SLC25A11: variants seen among roughly 807,000 people sequenced by gnomAD.
SLC25A11 encodes the protein mitochondrial 2-oxoglutarate/malate carrier protein.
A neutral mutation model predicts 32.7 loss-of-function variants in SLC25A11; 11 were observed. The observed-to-expected ratio is 0.34, with a 90% confidence interval of 0.21 to 0.56. The LOEUF is 0.56. Ranked by LOEUF, SLC25A11 falls within the 20% of genes least tolerant of loss-of-function variation. The probability of loss-of-function intolerance (pLI) is 0.90; values close to 1 mark genes in which losing one functional copy is unlikely to be tolerated. For missense variants in SLC25A11, 295 were observed against 426.3 expected, an observed-to-expected ratio of 0.69 and a Z score of 2.71; for synonymous variants, 163 against 168.3, an observed-to-expected ratio of 0.97 and a Z score of 0.24.
In SLC25A11 at chr17:4,938,392, T is replaced by A; in HGVS notation, c.584A>T (p.Asn195Ile). Residue 195 changes from asparagine to isoleucine, a missense_variant, in exon 5 of 8, where the codon AAT (asparagine) becomes ATT (isoleucine). Transcript: ENST00000225665. This position sits in a 1 kb window ranked among gnomAD's most constrained non-coding sequence, Gnocchi z 7.6. ...IPTMARAVVV[N>I]AAQLASYSQS... is the part of the protein sequence containing the mutation. Reference sequence around the variant, plus strand: ...GGAGTAGGAGGCGAGCTGGGCAGCATTGACGACGACGGCCCGAGCCATGGT... The same window carrying A: ...GGAGTAGGAGGCGAGCTGGGCAGCAATGACGACGACGGCCCGAGCCATGGT... 1 of 1,614,008 alleles carries A rather than the reference T, an allele frequency of 6.2e-7. No individual in the cohort carries two copies. The highest frequency in any genetic ancestry group is 8.5e-7 in the Non-Finnish European group (1 of 1,180,000).
intron 7 of SLC25A11, 34 bp from the exon 8 acceptor site, chr17:4,937,930 A>C: frequency 1.2e-6 from 2 of 1,611,864 alleles, no homozygotes; most frequent in Non-Finnish European, 8.5e-7. Context: ...TGGGGCTAGG[A>C]CTCTAGGTCC....
At position 4,938,693 on chromosome 17, in the gene SLC25A11, C is replaced by T; in HGVS notation, c.455+76G>A. 3.2e-6 allele frequency: 5 copies of T among 1,586,510 alleles called. No homozygotes were observed. The highest frequency in any genetic ancestry group is 3.4e-5 in the Admixed American group (2 of 59,370). ...AACAGGTAAACACTCTGCTCCAGAT[C>T]CGGGATAAAAAACTGGTCCTTTCAT... On this transcript the variant is annotated intron_variant, in intron 3 of 7. Coordinates refer to ENST00000225665, the MANE Select transcript of SLC25A11 (RefSeq NM_003562.5). This position sits in a 1 kb window ranked among gnomAD's most constrained non-coding sequence, Gnocchi z 7.6.
chr17:4,939,666 A>G lies in SLC25A11; in HGVS notation c.95+150T>C. ...CATAAGGGTCCTGCAATGGGGCCCT[A>G]GCAGCCCATCGGGGAACTCGCAATA... is the stretch of plus-strand genomic sequence containing the variant. On this transcript the variant is annotated intron_variant, in intron 1 of 7. Transcript: ENST00000225665. The surrounding 1 kb of genome is among the most constrained non-coding windows in gnomAD (Gnocchi z 4.1). 3 of 714,206 alleles carry G rather than the reference A, an allele frequency of 4.2e-6. No homozygotes were observed. Among genetic ancestry groups the G allele is most frequent in the East Asian group, 2.8e-5 (1 of 35,904 alleles). The allele number at this position is 714,206 out of a possible 1,614,324, so 44.2% of individuals were successfully genotyped here.
chr17:4,938,505 C>T lies in SLC25A11; in HGVS notation c.546+7G>A. The T allele has an allele frequency of 6.2e-7, 1 of 1,613,866 alleles. No homozygotes were observed. Among genetic ancestry groups the T allele is most frequent in the Non-Finnish European group, 8.5e-7 (1 of 1,179,792 alleles). On this transcript the variant is annotated splice_region_variant and intron_variant, in intron 4 of 7. Coordinates refer to ENST00000225665, the MANE Select transcript of SLC25A11 (RefSeq NM_003562.5). The surrounding 1 kb of genome is among the most constrained non-coding windows in gnomAD (Gnocchi z 7.6). ...ACAGCCCCCAAGTCTCCAGCCCCTC[C>T]ACTCACCCGCCACAGTGTGAGGACA...
intron 7 of SLC25A11, 41 bp from the exon 8 acceptor site, chr17:4,937,937 G>A (rs371163759): frequency 1.4e-5 from 22 of 1,612,748 alleles, no homozygotes; most frequent in Non-Finnish European, 1.9e-5. Flanking sequence ...AGGACTCTAG[G>A]TCCCCATCCC....
chr17:4,938,664 C>CT lies in SLC25A11; in HGVS notation c.456-63_456-62insA. The stretch of plus-strand genomic sequence containing the variant: ...GCCCACAGGTGCAAAGAAAGGAAGG[C>CT]CAGAACAGGTAAACACTCTGCTCCA... On this transcript the variant is annotated intron_variant, in intron 3 of 7. Coordinates refer to ENST00000225665, the MANE Select transcript of SLC25A11 (RefSeq NM_003562.5). The surrounding 1 kb of genome is among the most constrained non-coding windows in gnomAD (Gnocchi z 7.6). The CT allele has an allele frequency of 1.9e-6, 3 of 1,590,846 alleles. No individual in the cohort carries two copies. The highest frequency in any genetic ancestry group is 2.6e-6 in the Non-Finnish European group (3 of 1,159,414).
Position 4,939,716 on chromosome 17 carries a change from G to T in SLC25A11, c.95+100C>A. On this transcript the variant is annotated intron_variant, in intron 1 of 7. Transcript: ENST00000225665. The surrounding 1 kb of genome is among the most constrained non-coding windows in gnomAD (Gnocchi z 4.1). ...ACGCTGGAGATCGCGCTGACCCCGT[G>T]CCGGCACAGTTCACTGCAACAGACC... 2.1e-6 allele frequency: 2 copies of T among 941,554 alleles called. No homozygotes were observed. The highest frequency in any genetic ancestry group is 1.7e-6 in the Non-Finnish European group (1 of 600,110). 58.3% of individuals were successfully genotyped at this position (941,554 alleles called of 1,614,324 possible). A position where few individuals can be genotyped will look rare whatever the true frequency, so the allele number is the denominator to read the frequency against.
At position 4,938,969 on chromosome 17, in the gene SLC25A11, C is replaced by T. The variant is rs774151635; in HGVS notation, c.255G>A (p.Ser85=). 5.0e-6 allele frequency: 8 copies of T among 1,614,016 alleles called. No individual in the cohort carries two copies. Among genetic ancestry groups the T allele is most frequent in the Admixed American group, 1.7e-5 (1 of 59,992 alleles). Reference sequence around the variant, plus strand: ...AGGTGGCCTGACGCAGCAGGCCAGCCGACAGCCTGAGGAGCAGAGGGGTCA... The same window carrying T: ...AGGTGGCCTGACGCAGCAGGCCAGCTGACAGCCTGAGGAGCAGAGGGGTCA... ...EGLRGIYTGL[S]AGLLRQATYT... is the part of the protein sequence containing the mutation. The change falls in exon 3 of 8, where the codon TCG becomes TCA. Residue 85 remains serine (S), a synonymous_variant. Coordinates refer to ENST00000225665, the MANE Select transcript of SLC25A11 (RefSeq NM_003562.5). This position sits in a 1 kb window ranked among gnomAD's most constrained non-coding sequence, Gnocchi z 7.6.
In SLC25A11 at chr17:4,939,862, G is replaced by T; in HGVS notation, c.49C>A (p.Arg17Ser). 1 of 1,612,450 alleles carries T rather than the reference G, an allele frequency of 6.2e-7. No homozygotes were observed. The highest frequency in any genetic ancestry group is 8.5e-7 in the Non-Finnish European group (1 of 1,179,686). Residue 17 changes from arginine (R) to serine (S), a missense_variant, in exon 1 of 8, where the codon CGT (arginine) becomes AGT (serine). By Grantham distance (110) the Arg-to-Ser change is moderately radical (BLOSUM62 -1). Transcript: ENST00000225665. The surrounding 1 kb of genome is among the most constrained non-coding windows in gnomAD (Gnocchi z 4.1). ...AACTTGACGGACTTAGGGGAGGTAC[G>T]GGGCTTCCCGTCTATCCCGCCGGCC... ...AGAGGIDGKP[R>S]TSPKSVKFLF...
rs1970617390 is a variant in SLC25A11, at chr17:4,940,000, C to T, written c.-90G>A. On this transcript the variant is annotated 5_prime_UTR_variant, in exon 1 of 8. Coordinates refer to ENST00000225665, the MANE Select transcript of SLC25A11 (RefSeq NM_003562.5). The surrounding 1 kb of genome is among the most constrained non-coding windows in gnomAD (Gnocchi z 4.1). ...CACCGCGCGCGCAACAGAGCGAGGG[C>T]GCGCGCACGCCCCTCCAGCTCTCAG... 2 of 859,866 alleles carry T rather than the reference C, an allele frequency of 2.3e-6. No individual in the cohort carries two copies. Among genetic ancestry groups the T allele is most frequent in the Non-Finnish European group, 3.3e-6 (2 of 597,116 alleles). 53.3% of individuals were successfully genotyped at this position (859,866 alleles called of 1,614,324 possible). A position where few individuals can be genotyped will look rare whatever the true frequency, so the allele number is the denominator to read the frequency against.
At position 4,938,042 on chromosome 17, in the gene SLC25A11, G is replaced by T. The variant is rs140736160; in HGVS notation, c.770C>A (p.Pro257Gln). The part of the protein sequence containing the change: ...IQNMRMIDGK[P>Q]EYKNGLDVLF... The stretch of plus-strand genomic sequence containing the variant: ...CCTCACCAGCCCGTTCTTGTATTCC[G>T]GCTTCCCATCAATCATCCGCATGTT... The change falls in exon 7 of 8, where the codon CCG becomes CAG. Residue 257 changes from proline to glutamine, a missense_variant. This residue lies in a region of SLC25A11 where 142 missense variants were observed against 197.8 expected (regional missense o/e 0.72). Coordinates refer to ENST00000225665, the MANE Select transcript of SLC25A11 (RefSeq NM_003562.5). The surrounding 1 kb of genome is among the most constrained non-coding windows in gnomAD (Gnocchi z 7.6). 1.2e-6 allele frequency: 2 copies of T among 1,613,998 alleles called. No homozygotes were observed. Among genetic ancestry groups the T allele is most frequent in the African/African-American group, 2.7e-5 (2 of 74,908 alleles).
chr17:4,937,807 G>C lies in SLC25A11; in HGVS notation c.879C>G (p.Thr293=). Residue 293 remains threonine, a synonymous_variant, in exon 8 of 8, where the codon ACC becomes ACG. Transcript: ENST00000225665. ...GCTCCAAGAAGATGAAGGTGAGGAC[G>C]GTGTGGGGGCCCAGGCGGGCATAGT... ...TPYYARLGPH[T]VLTFIFLEQM... 6.2e-7 allele frequency: 1 copy of C among 1,614,194 alleles called. No individual in the cohort carries two copies. Among genetic ancestry groups the C allele is most frequent in the Non-Finnish European group, 8.5e-7 (1 of 1,180,026 alleles).
rs1970498390 is a variant in SLC25A11 at position 4,938,548 on chromosome 17, T to C, written c.510A>G (p.Arg170=). ...TGAGGACACCCTCTTCCCGGGTGAT[T>C]CGAATCAGGGCGTTAAACACATTTT... The part of the protein sequence containing the change: ...GYKNVFNALI[R]ITREEGVLTL... Residue 170 remains arginine (R), a synonymous_variant, in exon 4 of 8, where the codon CGA becomes CGG. Coordinates refer to ENST00000225665, the MANE Select transcript of SLC25A11 (RefSeq NM_003562.5). This position sits in a 1 kb window ranked among gnomAD's most constrained non-coding sequence, Gnocchi z 7.6. 1 of 1,613,924 alleles carries C rather than the reference T, an allele frequency of 6.2e-7. No individual in the cohort carries two copies. Among genetic ancestry groups the C allele is most frequent in the Non-Finnish European group, 8.5e-7 (1 of 1,179,972 alleles).
At position 4,937,829 on chromosome 17, in the gene SLC25A11, T is replaced by C. The variant is rs765623878; in HGVS notation, c.857A>G (p.Tyr286Cys). ...FSLWKGFTPYYARLGPHTVLT... is the reference protein window; with the variant it reads ...FSLWKGFTPYCARLGPHTVLT... ...GACGGTGTGGGGGCCCAGGCGGGCA[T>C]AGTACGGCGTGAAGCCCTTCCACAG... Residue 286 changes from tyrosine (Y) to cysteine (C), a missense_variant, in exon 8 of 8, where the codon TAT (tyrosine) becomes TGT (cysteine). Transcript: ENST00000225665. 1.2e-6 allele frequency: 2 copies of C among 1,614,154 alleles called. No individual in the cohort carries two copies. The highest frequency in any genetic ancestry group is 8.5e-7 in the Non-Finnish European group (1 of 1,180,024).
In SLC25A11 at chr17:4,938,234, G is replaced by A. The variant is rs1339547312; in HGVS notation, c.657C>T (p.Ile219=). The A allele has an allele frequency of 3.7e-6, 6 of 1,613,678 alleles. No homozygotes were observed. The highest frequency in any genetic ancestry group is 1.3e-5 in the African/African-American group (1 of 74,920). ...TCATGCTGGCACAGAAGTGGCACAA[G>A]ATGTTGTCAGAGAAGTAGCCTGGGG... ...LLDSGYFSDN[I]LCHFCASMIS... is the part of the protein sequence containing the mutation. The change falls in exon 6 of 8, where the codon ATC becomes ATT. Residue 219 remains isoleucine (I), a synonymous_variant. Coordinates refer to ENST00000225665, the MANE Select transcript of SLC25A11 (RefSeq NM_003562.5). This position sits in a 1 kb window ranked among gnomAD's most constrained non-coding sequence, Gnocchi z 7.6.
In SLC25A11 at chr17:4,939,404, T is replaced by C. The variant is rs915407999; in HGVS notation, c.96-192A>G. 4.7e-6 allele frequency: 3 copies of C among 641,256 alleles called. No homozygotes were observed. The highest frequency in any genetic ancestry group is 8.0e-6 in the Non-Finnish European group (3 of 377,034). The allele number at this position is 641,256 out of a possible 1,614,324, so 39.7% of individuals were successfully genotyped here. On this transcript the variant is annotated intron_variant, in intron 1 of 7. Coordinates refer to ENST00000225665, the MANE Select transcript of SLC25A11 (RefSeq NM_003562.5). This position sits in a 1 kb window ranked among gnomAD's most constrained non-coding sequence, Gnocchi z 4.1. Reference sequence around the variant, plus strand: ...GGGTCTGAAAAGTCTAGTTGTCCAGTAGGGGCCATGCAATGAAAGTGCTCC... The same window carrying C: ...GGGTCTGAAAAGTCTAGTTGTCCAGCAGGGGCCATGCAATGAAAGTGCTCC...
In SLC25A11 at chr17:4,938,146, A is replaced by G; in HGVS notation, c.737+8T>C. 1.2e-6 allele frequency: 2 copies of G among 1,614,140 alleles called. No homozygotes were observed. Among genetic ancestry groups the G allele is most frequent in the South Asian group, 2.2e-5 (2 of 91,084 alleles). On this transcript the variant is annotated splice_region_variant and intron_variant, in intron 6 of 7. Coordinates refer to ENST00000225665, the MANE Select transcript of SLC25A11 (RefSeq NM_003562.5). The surrounding 1 kb of genome is among the most constrained non-coding windows in gnomAD (Gnocchi z 7.6). ...CCACCCACCTCCAGGCCCAGGCTGC[A>G]CACTCACCGGGTCTTGGCAATGTCC...
chr17:4,939,600 GC>G lies in SLC25A11; in HGVS notation c.95+215del. 1.7e-6 allele frequency: 1 copy of G among 594,808 alleles called. No homozygotes were observed. The highest frequency in any genetic ancestry group is 2.9e-5 in the East Asian group (1 of 34,550). 36.8% of individuals were successfully genotyped at this position (594,808 alleles called of 1,614,324 possible). A position where few individuals can be genotyped will look rare whatever the true frequency, so the allele number is the denominator to read the frequency against. ...GCTTAGCAATGCGCTGGGAAACTCA[GC>G]TGGCCCGGCGGGGGTTGTGCAACGA... On this transcript the variant is annotated intron_variant, in intron 1 of 7. Transcript: ENST00000225665. The surrounding 1 kb of genome is among the most constrained non-coding windows in gnomAD (Gnocchi z 4.1).
Position 4,939,859 on chromosome 17 carries a change from T to A in SLC25A11, c.52A>T (p.Thr18Ser). The A allele has an allele frequency of 4.3e-6, 7 of 1,611,974 alleles. No individual in the cohort carries two copies. Among genetic ancestry groups the A allele is most frequent in the Non-Finnish European group, 5.9e-6 (7 of 1,179,534 alleles). The change falls in exon 1 of 8, where the codon ACC becomes TCC. Residue 18 changes from threonine (T) to serine (S), a missense_variant. Physicochemically the swap from Thr to Ser is moderately conservative, Grantham distance 58. Around this residue, in one of 3 missense-constraint regions of SLC25A11, gnomAD observed 104 missense variants for 121.5 expected, o/e 0.86. Coordinates refer to ENST00000225665, the MANE Select transcript of SLC25A11 (RefSeq NM_003562.5). This position sits in a 1 kb window ranked among gnomAD's most constrained non-coding sequence, Gnocchi z 4.1. ...GAGGIDGKPR[T>S]SPKSVKFLFG... ...AGGAACTTGACGGACTTAGGGGAGG[T>A]ACGGGGCTTCCCGTCTATCCCGCCG...
Sources: allele counts gnomAD v4.1 joint callset, GRCh38; gene constraint gnomAD v4.1.1; regional missense constraint gnomAD v4.1.1; non-coding constraint Gnocchi (gnomAD v3.1); transcripts MANE v1.5; gene names NCBI Gene and HGNC (gene_info 2026-07-23, HGNC 2026-07-21).